Variants in FARP1 observed in about 807,000 individuals in gnomAD.
The protein encoded by FARP1 is FERM, ARHGEF and pleckstrin domain-containing protein 1.
A neutral mutation model predicts 128.8 loss-of-function variants in FARP1; 52 were observed. The ratio of observed to expected loss-of-function variants is 0.40; its 90% CI spans 0.32 to 0.51. FARP1 has a LOEUF of 0.51. Among genes scored for constraint, FARP1 ranks in the 20% least tolerant of loss-of-function variants. The pLI is 0.45. For synonymous variants in FARP1, 580 were observed against 551.8 expected, an observed-to-expected ratio of 1.05 and a Z score of -0.72; for missense variants, 1,333 against 1,367.9, an observed-to-expected ratio of 0.97 and a Z score of 0.40.
intron 2 of FARP1, chr13:98,332,851 A>G (rs1383929171): frequency 6.6e-6 from 1 of 152,214 alleles, no homozygotes; most frequent in Non-Finnish European, 1.5e-5. Context: ...GACAATGGGA[A>G]CCACAGGTGT....
intron 2 of FARP1, among the ~76,000 whole-genome samples, chr13:98,256,975 A>G (rs1434967956): frequency 3.2e-4 from 42 of 132,622 alleles, no homozygotes; most frequent in Middle Eastern, 3.9e-3. Context: ...ATATATATAT[A>G]TATATATATA....
chr13:98,210,570 G>A (rs112091400), intron 1 of FARP1, among the ~76,000 whole-genome samples: 7,056 of 140,796 alleles, frequency 0.05, 206 homozygotes, highest in Non-Finnish European at 0.072. Context: ...TTTTTTTTGA[G>A]ACAGAGTCTC....
intron 2 of FARP1, among the ~76,000 whole-genome samples, chr13:98,318,917 C>T (rs2622335): frequency 0.19 from 28,974 of 150,602 alleles, 3,273 homozygotes; most frequent in Non-Finnish European, 0.26. Context: ...TTCATATGTA[C>T]CTGTTGCTTC....
chr13:98,240,358 C>T (rs960604182), intron 2 of FARP1, among the ~76,000 whole-genome samples: 4 of 152,014 alleles, frequency 2.6e-5, no homozygotes, highest in African/African-American at 7.2e-5. Flanking sequence ...GTGATGGTGA[C>T]GGTTGGAGTG....
intron 3 of FARP1, among the ~76,000 whole-genome samples, chr13:98,357,001 T>C (rs1468407011): frequency 2.6e-5 from 4 of 152,182 alleles, no homozygotes; most frequent in African/African-American, 9.7e-5. Flanking sequence ...CCAACACTAA[T>C]ATAGCCACTT....
chr13:98,377,764 G>A, intron 5 of FARP1, 57 bp from the exon 6 acceptor site: 1 of 1,328,892 alleles, frequency 7.5e-7, no homozygotes, highest in Non-Finnish European at 1.1e-6. Flanking sequence ...GTGAGGCCAG[G>A]TTCCCGGTGA....
At chr13:98,346,340 C>G (rs887213874) in intron 3 of FARP1, among the ~76,000 whole-genome samples, 17 of 151,738 alleles carry the variant, frequency 1.1e-4, no homozygotes, top group Non-Finnish European at 1.9e-4. Context: ...CAGGTGCCCA[C>G]CATCACGCCC....
intron 24 of FARP1, among the ~76,000 whole-genome samples, chr13:98,442,172 T>A (rs1367841395): frequency 6.6e-6 from 1 of 152,122 alleles, no homozygotes; most frequent in South Asian, 2.1e-4. Flanking sequence ...AGGACTCCCT[T>A]CCAAACGCAG....
chr13:98,159,022 A>G (rs141458958), intron 1 of FARP1, among the ~76,000 whole-genome samples: 6 of 152,272 alleles, frequency 3.9e-5, no homozygotes, highest in African/African-American at 1.4e-4. Context: ...AGAAAAGTCT[A>G]TCTTCAAGGT....
At chr13:98,372,552 T>A (rs1463897632) in intron 5 of FARP1, among the ~76,000 whole-genome samples, 1 of 152,198 alleles carries the variant, frequency 6.6e-6, no homozygotes, top group African/African-American at 2.4e-5. Flanking sequence ...AACATGCTGC[T>A]CTGCGCCCTG....
rs138025858 is a variant in FARP1, at chr13:98,176,736, G to T, written c.-24+33244G>T. 3.3e-5 allele frequency: 53 copies of T among 1,613,992 alleles called. No homozygotes were observed. The African/African-American group carries it at 4.9e-4, about 15-fold the overall frequency. On this transcript the variant is annotated intron_variant, in intron 1 of 26. Transcript: ENST00000319562. The surrounding 1 kb of genome is among the most constrained non-coding windows in gnomAD (Gnocchi z 6.2). ...GGCCCTTCCTCGCCATCCCCGAGGA[G>T]GAGTTGCCCATGGACGTGTCCTTGG...
rs1428645378 is a variant in FARP1 at position 98,449,720 on chromosome 13, A to AAAAT, written c.*1405_*1408dup. 1.3e-5 allele frequency: 2 copies of AAAAT among 152,542 alleles called. No homozygotes were observed. Among genetic ancestry groups the AAAAT allele is most frequent in the Non-Finnish European group, 2.9e-5 (2 of 68,030 alleles). The allele number at this position is 152,542 out of a possible 1,614,324, so 9.4% of individuals were successfully genotyped here. On this transcript the variant is annotated 3_prime_UTR_variant, in exon 27 of 27. Coordinates refer to ENST00000319562, the MANE Select transcript of FARP1 (RefSeq NM_005766.4). ...GTTTCCAGTACTAACAAAGGGAATA[A>AAAAT]AAATACCTCACGCCACAATCCAGCA... is the stretch of plus-strand genomic sequence containing the variant.
intron 2 of FARP1, among the ~76,000 whole-genome samples, chr13:98,222,991 A>C (rs773801883): frequency 1.3e-5 from 2 of 151,994 alleles, no homozygotes; most frequent in African/African-American, 2.4e-5. Flanking sequence ...CTGCAGAAGG[A>C]AAGCCCAGTG....
intron 2 of FARP1, among the ~76,000 whole-genome samples, chr13:98,215,777 A>G (rs1327672408): frequency 6.7e-6 from 1 of 149,986 alleles, no homozygotes; most frequent in African/African-American, 2.4e-5. Context: ...TGTCTCCTCC[A>G]TTCATATTTT....
chr13:98,295,084 CACACACACACACACACACACATAT>C (rs769163069), intron 2 of FARP1, among the ~76,000 whole-genome samples: 6,187 of 89,622 alleles, frequency 0.069, 285 homozygotes, highest in Middle Eastern at 0.11. Context: ...CACACACACA[CACACACACACACACACACACATAT>C]ATCCCCAGGC....
At chr13:98,202,187 C>G (rs1163131288) in intron 1 of FARP1, among the ~76,000 whole-genome samples, 4 of 152,248 alleles carry the variant, frequency 2.6e-5, no homozygotes, top group African/African-American at 7.2e-5. Context: ...TGGCGTGTGG[C>G]TCCCCCGGGA....
chr13:98,447,968 A>G, intron 26 of FARP1: 1 of 499,918 alleles, frequency 2.0e-6, no homozygotes, highest in South Asian at 2.7e-5. Context: ...ACCAGAGGCC[A>G]CCTCGCTCCT....
chr13:98,146,758 G>A (rs1295705344), intron 1 of FARP1, among the ~76,000 whole-genome samples: 1 of 152,246 alleles, frequency 6.6e-6, no homozygotes, highest in African/African-American at 2.4e-5. Flanking sequence ...GCCTGGGAAG[G>A]GAGGCTGTGG....
intron 2 of FARP1, among the ~76,000 whole-genome samples, chr13:98,225,650 G>A (rs1308162619): frequency 6.6e-6 from 1 of 152,196 alleles, no homozygotes; most frequent in Non-Finnish European, 1.5e-5. Flanking sequence ...GAAAAATAAA[G>A]TTCTGATTTT....
Sources: gnomAD v4.1 joint callset for allele counts (sites outside exome capture counted in the v4.1 genomes callset) on GRCh38, gnomAD v4.1.1 for gene constraint, Gnocchi (gnomAD v3.1) non-coding constraint, MANE v1.5 for transcripts, NCBI Gene and HGNC (gene_info 2026-07-23, HGNC 2026-07-21) for gene names.